Variants in TPR observed in about 807,000 individuals in gnomAD.
TPR encodes translocated promoter region, nuclear basket protein.
In TPR, 51 loss-of-function variants were observed where a neutral mutation model predicts 316.1. The ratio of observed to expected loss-of-function variants is 0.16; its 90% CI spans 0.13 to 0.20. The LOEUF (loss-of-function observed/expected upper bound fraction) is 0.20. TPR is among the 10% of genes least tolerant of loss of function. TPR has a pLI of 1.00. For missense variants in TPR, 2,272 were observed against 2,754.8 expected (o/e 0.82, Z 3.92); for synonymous variants, 981 against 914.7 (o/e 1.07, Z -1.31).
chr1:186,353,952 GAGA>G, intron 17 of TPR, 102 bp from the exon 18 acceptor site: 1 of 1,031,836 alleles, frequency 9.7e-7, no homozygotes, highest in Non-Finnish European at 1.4e-6. Context: ...CAAATGCCCT[GAGA>G]ATATTGTCTC....
intron 42 of TPR, among the ~76,000 whole-genome samples, chr1:186,325,086 T>G (rs1657880356): frequency 6.6e-6 from 1 of 152,170 alleles, no homozygotes; most frequent in South Asian, 2.1e-4. Flanking sequence ...CTTGCCCTTT[T>G]AAATACCCAG....
At chr1:186,349,134 C>A (rs535895961) in intron 21 of TPR, among the ~76,000 whole-genome samples, 17 of 152,244 alleles carry the variant, frequency 1.1e-4, no homozygotes, top group African/African-American at 4.1e-4. Context: ...GCCTAGACTA[C>A]CTTAAATGTG....
chr1:186,358,796 A>T lies in TPR; in HGVS notation c.1390-146T>A, dbSNP rs369772730. 9.7e-4 allele frequency: 620 copies of T among 640,726 alleles called. 9 individuals are homozygous for T. The East Asian group carries it at 0.018, about 19-fold the overall frequency. The allele number at this position is 640,726 out of a possible 1,614,324, so 39.7% of individuals were successfully genotyped here. ...ATAATATTGTAGCCACTAAAAAAGA[A>T]GTTTTGTATAAATTTGAATATGTTA... On this transcript the variant is annotated intron_variant, in intron 12 of 50. Coordinates refer to ENST00000367478, the MANE Select transcript of TPR (RefSeq NM_003292.3).
intron 4 of TPR, among the ~76,000 whole-genome samples, chr1:186,366,821 G>A (rs1302830204): frequency 6.6e-6 from 1 of 150,582 alleles, no homozygotes; most frequent in East Asian, 1.9e-4. Flanking sequence ...TACTCAATAT[G>A]GAATACACAT....
rs529033827 is a variant in TPR at position 186,361,055 on chromosome 1, TCTA to T, written c.959-153_959-151del. The T allele has an allele frequency of 5.9e-6, 5 of 847,416 alleles. No individual in the cohort carries two copies. The East Asian group carries it at 1.4e-4, about 24-fold the overall frequency. 52.5% of individuals were successfully genotyped at this position (847,416 alleles called of 1,614,324 possible). On this transcript the variant is annotated intron_variant, in intron 9 of 50. Coordinates refer to ENST00000367478, the MANE Select transcript of TPR (RefSeq NM_003292.3). ...GACAGTATCTATTGAAAGTTCTTGC[TCTA>T]CTTATAATTTTGGAATTGTCTTCGC...
At chr1:186,358,453 T>A in intron 13 of TPR, 90 bp downstream of exon 13, 1 of 899,448 alleles carries the variant, frequency 1.1e-6, no homozygotes, top group Non-Finnish European at 1.7e-6. Context: ...TCATACATGG[T>A]AGTTCTATCT....
Position 186,350,277 on chromosome 1 carries a change from G to C in TPR, c.2722C>G (p.Leu908Val). 1 of 1,613,548 alleles carries C rather than the reference G, an allele frequency of 6.2e-7. No individual in the cohort carries two copies. Among genetic ancestry groups the C allele is most frequent in the Non-Finnish European group, 8.5e-7 (1 of 1,179,814 alleles). ...GCAACTTGGACTTCCATATTACTGA[G>C]GTGCTGTTTCAATGTGGCAATTTCT... Reference protein sequence around the residue: ...QKEIATLKQHLSNMEVQVASQ... With the variant: ...QKEIATLKQHVSNMEVQVASQ... The change falls in exon 21 of 51, where the codon CTC becomes GTC. Residue 908 changes from leucine to valine, a missense_variant. This residue lies in a region of TPR where 757 missense variants were observed against 859.8 expected (regional missense o/e 0.88). Transcript: ENST00000367478.
chr1:186,323,673 G>C lies in TPR; in HGVS notation c.6297+13C>G. On this transcript the variant is annotated intron_variant, in intron 43 of 50. Coordinates refer to ENST00000367478, the MANE Select transcript of TPR (RefSeq NM_003292.3). ...TCAAGTTCATTTTTCATAATGACCA[G>C]TACTTTTAATACCTGAACTGGTGGT... The C allele has an allele frequency of 1.4e-5, 20 of 1,466,916 alleles. No individual in the cohort carries two copies. Among genetic ancestry groups the C allele is most frequent in the Non-Finnish European group, 1.7e-5 (19 of 1,114,092 alleles). The allele number at this position is 1,466,916 out of a possible 1,614,324, so 90.9% of individuals were successfully genotyped here. A position where few individuals can be genotyped will look rare whatever the true frequency, so the allele number is the denominator to read the frequency against.
chr1:186,338,686 A>G (rs1658411120), intron 30 of TPR, among the ~76,000 whole-genome samples: 1 of 152,168 alleles, frequency 6.6e-6, no homozygotes, highest in African/African-American at 2.4e-5. Context: ...AAAATATAAA[A>G]ATCATTCTTA....
intron 3 of TPR, among the ~76,000 whole-genome samples, chr1:186,369,724 A>G (rs1397213322): frequency 6.6e-6 from 1 of 152,078 alleles, no homozygotes; most frequent in Non-Finnish European, 1.5e-5. Context: ...ATTTGGGTGC[A>G]TTTTATTTCC....
intron 12 of TPR, among the ~76,000 whole-genome samples, chr1:186,359,552 CAT>C (rs1659120698): frequency 6.6e-6 from 1 of 151,634 alleles, no homozygotes; most frequent in South Asian, 2.1e-4. Context: ...CTAAGGAAAA[CAT>C]AGTAAATGCA....
In TPR at chr1:186,374,959, T is replaced by C. The variant is rs1254984293; in HGVS notation, c.70A>G (p.Lys24Glu). 1 of 1,612,884 alleles carries C rather than the reference T, an allele frequency of 6.2e-7. No individual in the cohort carries two copies. The highest frequency in any genetic ancestry group is 8.5e-7 in the Non-Finnish European group (1 of 1,179,010). The stretch of plus-strand genomic sequence containing the variant: ...TGATCAGCAAGGAACTTTTCAAGTT[T>C]GTTCTGGACAGACTTGGGCAGCTTG... ...LNKLPKSVQN[K>E]LEKFLADQQS... is the part of the protein sequence containing the mutation. The change falls in exon 1 of 51, where the codon AAA becomes GAA. Residue 24 changes from lysine to glutamate, a missense_variant. By Grantham distance (56) the Lys-to-Glu change is moderately conservative (BLOSUM62 1). Coordinates refer to ENST00000367478, the MANE Select transcript of TPR (RefSeq NM_003292.3).
rs115010479 is a variant in TPR at position 186,325,531 on chromosome 1, A to C, written c.6112+233T>G. 1,468 of 378,592 alleles carry C rather than the reference A, an allele frequency of 3.9e-3. 22 individuals are homozygous for C. The highest frequency in any genetic ancestry group is 0.025 in the African/African-American group (1,221 of 48,194). 23.5% of individuals were successfully genotyped at this position (378,592 alleles called of 1,614,324 possible). On this transcript the variant is annotated intron_variant, in intron 42 of 50. Coordinates refer to ENST00000367478, the MANE Select transcript of TPR (RefSeq NM_003292.3). ...CATTTATAATACCGTAAGGGTTACA[A>C]AATGTTTGCATCTTACAGCAGCCCA... is the stretch of plus-strand genomic sequence containing the variant.
rs768714417 is a variant in TPR at position 186,347,261 on chromosome 1, G to A, written c.2943+31C>T. The A allele has an allele frequency of 1.9e-6, 3 of 1,606,422 alleles. No homozygotes were observed. In the Admixed American group the frequency reaches 5.0e-5, roughly 27 times the overall value. On this transcript the variant is annotated intron_variant, in intron 22 of 50. Coordinates refer to ENST00000367478, the MANE Select transcript of TPR (RefSeq NM_003292.3). Reference sequence around the variant, plus strand: ...AAAACAAAGTTAACAAATGTGTTGAGATTGAATTCTGAATTCAGAATTATA... The same window carrying A: ...AAAACAAAGTTAACAAATGTGTTGAAATTGAATTCTGAATTCAGAATTATA...
Position 186,327,136 on chromosome 1 carries a change from TA to T in TPR, c.5889+323del, listed in dbSNP as rs1214954433. 6.2e-3 allele frequency among the ~76,000 whole-genome samples: 60 copies of T among 9,690 alleles called. 15 individuals are homozygous for T. Among genetic ancestry groups the T allele is most frequent in the Non-Finnish European group, 9.4e-3 (47 of 5,016 alleles). The allele number at this position is 9,690 out of a possible 152,430, so 6.4% of individuals were successfully genotyped here. A position where few individuals can be genotyped will look rare whatever the true frequency, so the allele number is the denominator to read the frequency against. On this transcript the variant is annotated intron_variant, in intron 40 of 50. Transcript: ENST00000367478. ...ATATATAAATATATAACATATATATTATATATATAAATATATATAAATATAT... is the reference window on the plus strand; with the variant it reads ...ATATATAAATATATAACATATATATTTATATATAAATATATATAAATATAT...
chr1:186,336,573 C>A lies in TPR; in HGVS notation c.4628G>T (p.Arg1543Leu), dbSNP rs1255294445. Reference protein sequence around the residue: ...QDRTTQEEQLRQQITEKEEKT... With the variant: ...QDRTTQEEQLLQQITEKEEKT... Reference sequence around the variant, plus strand: ...TTCTTCCTTTTCAGTTATCTGTTGTCGGAGCTGCTCCTCCTGTGTGGTTCT... The same window carrying A: ...TTCTTCCTTTTCAGTTATCTGTTGTAGGAGCTGCTCCTCCTGTGTGGTTCT... Residue 1543 changes from arginine to leucine, a missense_variant, in exon 33 of 51, where the codon CGA (arginine) becomes CTA (leucine). Physicochemically the swap from Arg to Leu is moderately radical, Grantham distance 102 (BLOSUM62 -2). Transcript: ENST00000367478. The A allele has an allele frequency of 1.2e-6, 2 of 1,613,890 alleles. No individual in the cohort carries two copies. Among genetic ancestry groups the A allele is most frequent in the Admixed American group, 3.3e-5 (2 of 59,980 alleles).
chr1:186,317,709 A>G, intron 48 of TPR, 109 bp from the exon 49 acceptor site: 1 of 980,334 alleles, frequency 1.0e-6, no homozygotes, highest in Non-Finnish European at 1.5e-6. Context: ...GAGCTCCCTT[A>G]AACAAAAAAT....
At chr1:186,365,444 A>C (rs934850420) in intron 4 of TPR, among the ~76,000 whole-genome samples, 1 of 152,126 alleles carries the variant, frequency 6.6e-6, no homozygotes, top group Non-Finnish European at 1.5e-5. Context: ...GTCCCTGGCC[A>C]CCCAGAACCC....
Position 186,362,337 on chromosome 1 carries a change from T to C in TPR, c.740A>G (p.Asn247Ser). 6.2e-7 allele frequency: 1 copy of C among 1,612,446 alleles called. No individual in the cohort carries two copies. The highest frequency in any genetic ancestry group is 8.5e-7 in the Non-Finnish European group (1 of 1,178,890). ...EEQMNGLKTS[N>S]EHLQKHVEDL... ...CTCCACATGCTTTTGAAGATGTTCA[T>C]TTGATGTTTTTAAGCCATTCATTTG... is the stretch of plus-strand genomic sequence containing the variant. Residue 247 changes from asparagine to serine, a missense_variant, in exon 7 of 51, where the codon AAT becomes AGT. Asn to Ser is a conservative substitution (Grantham distance 46, BLOSUM62 1). Coordinates refer to ENST00000367478, the MANE Select transcript of TPR (RefSeq NM_003292.3).
Sources: allele counts gnomAD v4.1 joint callset (sites outside exome capture counted in the v4.1 genomes callset), GRCh38; gene constraint gnomAD v4.1.1; regional missense constraint gnomAD v4.1.1; transcripts MANE v1.5; gene names NCBI Gene and HGNC (gene_info 2026-07-23, HGNC 2026-07-21).